The following CPEB3 variants were observed in gnomAD, a reference collection of about 807,000 sequenced individuals.
CPEB3 encodes the protein cytoplasmic polyadenylation element-binding protein 3.
CPEB3 carries 20 observed loss-of-function variants against 67.2 expected under a neutral mutation model. The ratio of observed to expected loss-of-function variants is 0.30; its 90% CI spans 0.21 to 0.43. The LOEUF (loss-of-function observed/expected upper bound fraction) is 0.43. CPEB3 is among the 20% of genes least tolerant of loss of function. The pLI is 1.00. For synonymous variants in CPEB3, 376 were observed against 393.1 expected, an observed-to-expected ratio of 0.96 and a Z score of 0.51; for missense variants, 746 against 968.6, an observed-to-expected ratio of 0.77 and a Z score of 3.05.
chr10:92,282,231 G>A (rs1333000568), intron 1 of CPEB3, among the ~76,000 whole-genome samples: 1 of 152,172 alleles, frequency 6.6e-6, no homozygotes, highest in Non-Finnish European at 1.5e-5. Context: ...AAAATTGACA[G>A]ATGATATTGA....
intron 1 of CPEB3, among the ~76,000 whole-genome samples, chr10:92,279,501 G>A (rs1185243555): frequency 6.6e-6 from 1 of 152,078 alleles, no homozygotes; most frequent in African/African-American, 2.4e-5. Flanking sequence ...TCCAGCATAT[G>A]TCTATTTATA....
chr10:92,131,561 A>G (rs1845843173), intron 6 of CPEB3, among the ~76,000 whole-genome samples: 1 of 152,230 alleles, frequency 6.6e-6, no homozygotes, highest in African/African-American at 2.4e-5. Context: ...CTAGAGTTAG[A>G]TGTCACAATG....
intron 2 of CPEB3, among the ~76,000 whole-genome samples, chr10:92,212,886 A>G (rs1850163914): frequency 6.6e-6 from 1 of 152,198 alleles, no homozygotes; most frequent in South Asian, 2.1e-4. Context: ...CCTGGGCAAC[A>G]TAGCAAGACC....
At chr10:92,139,108 T>A (rs1320230388) in intron 6 of CPEB3, among the ~76,000 whole-genome samples, 2 of 151,720 alleles carry the variant, frequency 1.3e-5, no homozygotes, top group African/African-American at 4.8e-5. Context: ...AGAAACCCCA[T>A]CTCTACTAAA....
At chr10:92,284,357 C>T (rs752443752) in intron 1 of CPEB3, among the ~76,000 whole-genome samples, 5 of 151,972 alleles carry the variant, frequency 3.3e-5, no homozygotes, top group African/African-American at 7.2e-5. Flanking sequence ...CTATTTCTTA[C>T]GCCTAAACCC....
intron 7 of CPEB3, among the ~76,000 whole-genome samples, chr10:92,107,059 C>T (rs1023493872): frequency 6.6e-6 from 1 of 152,090 alleles, no homozygotes; most frequent in African/African-American, 2.4e-5. Context: ...AAAAGTGCTA[C>T]AGATCCCACT....
At chr10:92,076,975 A>G (rs1008703941) in intron 9 of CPEB3, among the ~76,000 whole-genome samples, 1 of 152,162 alleles carries the variant, frequency 6.6e-6, no homozygotes, top group Non-Finnish European at 1.5e-5. Flanking sequence ...GACTGTTTAC[A>G]CAGGTGGACA....
At chr10:92,218,362 G>A (rs1294212011) in intron 2 of CPEB3, among the ~76,000 whole-genome samples, 5 of 152,068 alleles carry the variant, frequency 3.3e-5, no homozygotes, top group Middle Eastern at 3.2e-3. Flanking sequence ...AGCTGAGATC[G>A]CGCCACTGCA....
chr10:92,076,467 T>C (rs1197657035), intron 9 of CPEB3: 1 of 152,200 alleles, frequency 6.6e-6, no homozygotes, highest in Admixed American at 6.5e-5. Context: ...TACAGTGGCA[T>C]GATCAAAGCT....
At chr10:92,245,283 G>A (rs1472328084) in intron 1 of CPEB3, among the ~76,000 whole-genome samples, 6 of 151,690 alleles carry the variant, frequency 4.0e-5, no homozygotes, top group African/African-American at 7.3e-5. Flanking sequence ...GATTACAGGC[G>A]CATGCCACCA....
chr10:92,230,369 C>T (rs751343768), intron 2 of CPEB3, among the ~76,000 whole-genome samples: 11 of 152,176 alleles, frequency 7.2e-5, no homozygotes, highest in Non-Finnish European at 1.5e-4. Flanking sequence ...GTTTCCTTCC[C>T]TTTGTGTGTA....
At chr10:92,218,660 C>G (rs1005352431) in intron 2 of CPEB3, among the ~76,000 whole-genome samples, 1 of 152,210 alleles carries the variant, frequency 6.6e-6, no homozygotes, top group African/African-American at 2.4e-5. Flanking sequence ...GAACTACCCA[C>G]AGTAGGCCAA....
At chr10:92,236,940 C>CA (rs1330520164) in intron 2 of CPEB3, among the ~76,000 whole-genome samples, 3 of 151,862 alleles carry the variant, frequency 2.0e-5, no homozygotes, top group African/African-American at 4.8e-5. Context: ...ATTAATAGCT[C>CA]AAAAATCTGT....
chr10:92,199,910 A>T (rs1016072335), intron 2 of CPEB3, among the ~76,000 whole-genome samples: 1 of 152,054 alleles, frequency 6.6e-6, no homozygotes, highest in Admixed American at 6.6e-5. Context: ...AGAGAGAGAG[A>T]GAGAGAGAGA....
At chr10:92,275,667 T>G (rs1170440721) in intron 1 of CPEB3, among the ~76,000 whole-genome samples, 2 of 152,104 alleles carry the variant, frequency 1.3e-5, no homozygotes, top group East Asian at 3.9e-4. Flanking sequence ...CAACACAACT[T>G]AGTTGTCAAC....
In CPEB3 at chr10:92,239,383, A is replaced by T; in HGVS notation, c.968T>A (p.Phe323Tyr). ...CAGATTGTTACCATTATCGGTCCGGAAAGCGTTATCCTCCATCCAGGACTT... is the reference window on the plus strand; with the variant it reads ...CAGATTGTTACCATTATCGGTCCGGTAAGCGTTATCCTCCATCCAGGACTT... ...TSKSWMEDNA[F>Y]RTDNGNNLLP... is the part of the protein sequence containing the mutation. The change falls in exon 2 of 10, where the codon TTC (phenylalanine) becomes TAC (tyrosine). Residue 323 changes from phenylalanine (F) to tyrosine (Y), a missense_variant. By Grantham distance (22) the Phe-to-Tyr change is conservative. Coordinates refer to ENST00000265997, the MANE Select transcript of CPEB3 (RefSeq NM_014912.5). The surrounding 1 kb of genome is among the most constrained non-coding windows in gnomAD (Gnocchi z 6.0). The T allele has an allele frequency of 6.2e-7, 1 of 1,606,684 alleles. No individual in the cohort carries two copies. Among genetic ancestry groups the T allele is most frequent in the Non-Finnish European group, 8.5e-7 (1 of 1,176,676 alleles).
At chr10:92,150,218 G>T (rs1846894917) in intron 4 of CPEB3, among the ~76,000 whole-genome samples, 2 of 151,788 alleles carry the variant, frequency 1.3e-5, no homozygotes, top group Non-Finnish European at 2.9e-5. Flanking sequence ...TATTTCCAGA[G>T]CTTGAAAATA....
intron 2 of CPEB3, among the ~76,000 whole-genome samples, chr10:92,228,831 A>G (rs1299120879): frequency 6.6e-6 from 1 of 151,350 alleles, no homozygotes; most frequent in African/African-American, 2.4e-5. Context: ...CTCCTGCCTC[A>G]GCCTCCTGAG....
intron 9 of CPEB3, among the ~76,000 whole-genome samples, chr10:92,071,459 C>T (rs1392567812): frequency 6.6e-6 from 1 of 152,020 alleles, no homozygotes; most frequent in Non-Finnish European, 1.5e-5. Context: ...TGTCCGGGAG[C>T]GGTGGCTCAC....
Sources: gnomAD v4.1 joint callset for allele counts (sites outside exome capture counted in the v4.1 genomes callset) on GRCh38, gnomAD v4.1.1 for gene constraint, Gnocchi (gnomAD v3.1) non-coding constraint, MANE v1.5 for transcripts, NCBI Gene and HGNC (gene_info 2026-07-23, HGNC 2026-07-21) for gene names.